The following DST variants were observed in gnomAD, a reference collection of about 807,000 sequenced individuals.
DST encodes dystonin.
Under a neutral mutation model 875.2 loss-of-function variants are expected in DST, and 253 were observed. The observed-to-expected ratio is 0.29, with a 90% CI of 0.26 to 0.32. DST has a LOEUF of 0.32. Among genes scored for constraint, DST ranks in the 10% least tolerant of loss-of-function variants. DST has a pLI of 1.00. For missense variants in DST, 8,287 were observed against 9,111.6 expected, an observed-to-expected ratio of 0.91 and a Z score of 3.68; for synonymous variants, 3,124 against 3,197.1, an observed-to-expected ratio of 0.98 and a Z score of 0.77.
Position 56,720,999 on chromosome 6 carries a change from G to A in DST, c.687+14229C>T, listed in dbSNP as rs62412544. On this transcript the variant is annotated intron_variant, in intron 5 of 103. Coordinates refer to ENST00000680361, the MANE Select transcript of DST (RefSeq NM_001374736.1). Reference sequence around the variant, plus strand: ...AGGCGCCCCCCGCCACCTTCCAGACGGGGCGGCTGCCGGGCGGGGGCAGCC... The same window carrying A: ...AGGCGCCCCCCGCCACCTTCCAGACAGGGCGGCTGCCGGGCGGGGGCAGCC... 5.3e-5 allele frequency among the ~76,000 whole-genome samples: 8 copies of A among 150,888 alleles called. No individual in the cohort carries two copies. In the East Asian group the frequency reaches 1.2e-3, roughly 22 times the overall value.
rs139284556 is a variant in DST at position 56,758,797 on chromosome 6, T to G, written c.626-23508A>C. 2.6e-3 allele frequency among the ~76,000 whole-genome samples: 403 copies of G among 152,286 alleles called. 1 individual carries two copies. In the Middle Eastern group the frequency reaches 0.031, roughly 12 times the overall value. ...AAACTACTTTGTGGTAATTCAAGGT[T>G]CTAAAAGCAACGGACCCAGCAGCAA... On this transcript the variant is annotated intron_variant, in intron 4 of 103. Transcript: ENST00000680361.
At chr6:56,852,434 G>A (rs79801332) in intron 3 of DST, among the ~76,000 whole-genome samples, 2 of 152,354 alleles carry the variant, frequency 1.3e-5, no homozygotes, top group African/African-American at 4.8e-5. Flanking sequence ...ACAGTGAAAT[G>A]AGAAACAGGA....
At chr6:56,620,864 CAG>C in intron 36 of DST, 1 of 752,700 alleles carries the variant, frequency 1.3e-6, no homozygotes, top group South Asian at 1.5e-5. Flanking sequence ...TCACCTTCTT[CAG>C]AGAGGAAGCC....
intron 4 of DST, among the ~76,000 whole-genome samples, chr6:56,783,896 A>C (rs891096510): frequency 2.6e-5 from 4 of 152,088 alleles, no homozygotes; most frequent in Non-Finnish European, 5.9e-5. Flanking sequence ...TGCTTCCTTC[A>C]GGCGCTCTTT....
chr6:56,642,198 G>T (rs372807163), intron 16 of DST, 97 bp from the exon 17 acceptor site: 25 of 1,101,290 alleles, frequency 2.3e-5, no homozygotes, highest in African/African-American at 1.7e-4. Flanking sequence ...GCCTACTTGG[G>T]CTTTCTTTAG....
intron 4 of DST, among the ~76,000 whole-genome samples, chr6:56,836,722 G>A (rs1477409424): frequency 6.6e-6 from 1 of 151,094 alleles, no homozygotes; most frequent in Admixed American, 6.6e-5. Context: ...GTGATGGCGG[G>A]CGCCTGTAGT....
At chr6:56,662,929 A>C (rs2099052558) in intron 10 of DST, among the ~76,000 whole-genome samples, 1 of 152,180 alleles carries the variant, frequency 6.6e-6, no homozygotes, top group Admixed American at 6.5e-5. Context: ...AGCCTGGGTG[A>C]CAGAGCAAGA....
At chr6:56,774,075 C>G (rs2099672920) in intron 4 of DST, among the ~76,000 whole-genome samples, 1 of 143,944 alleles carries the variant, frequency 6.9e-6, no homozygotes, top group Admixed American at 7.0e-5. Context: ...GATGGCACCA[C>G]TGCACTCCAG....
At chr6:56,570,780 A>G (rs1422069936) in intron 53 of DST, among the ~76,000 whole-genome samples, 1 of 152,198 alleles carries the variant, frequency 6.6e-6, no homozygotes, top group African/African-American at 2.4e-5. Flanking sequence ...GGCACTCTCT[A>G]TAATGCTACA....
At chr6:56,666,776 C>T (rs1453042807) in intron 10 of DST, among the ~76,000 whole-genome samples, 1 of 149,264 alleles carries the variant, frequency 6.7e-6, no homozygotes, top group African/African-American at 2.5e-5. Context: ...TGCTCTGTCA[C>T]CTACCCTGGG....
intron 10 of DST, among the ~76,000 whole-genome samples, chr6:56,652,976 T>C (rs147915999): frequency 1.8e-3 from 281 of 152,314 alleles, no homozygotes; most frequent in African/African-American, 6.6e-3. Context: ...AAAACAAATA[T>C]CTGAAGTTCT....
chr6:56,905,962 C>G (rs1037397995), intron 2 of DST, among the ~76,000 whole-genome samples: 20 of 152,112 alleles, frequency 1.3e-4, no homozygotes, highest in African/African-American at 4.8e-4. Flanking sequence ...ATTGCACTTT[C>G]TTTATCCACT....
chr6:56,901,263 C>T (rs1163875073), intron 2 of DST, among the ~76,000 whole-genome samples: 4 of 152,188 alleles, frequency 2.6e-5, no homozygotes, highest in Admixed American at 6.5e-5. Flanking sequence ...GTATAACATT[C>T]CACTCACAGG....
At chr6:56,544,360 C>A (rs2097187876) in intron 61 of DST, among the ~76,000 whole-genome samples, 1 of 152,158 alleles carries the variant, frequency 6.6e-6, no homozygotes, top group Admixed American at 6.5e-5. Flanking sequence ...TAAAGAATGG[C>A]TCTAATTCAG....
Position 56,604,026 on chromosome 6 carries a change from G to C in DST, c.10602C>G (p.Ser3534Arg). ...TAGGAGAATAGTAGTTTCCTTCTTT[G>C]CTTTTAATATCACCAAGAATATGTG... Reference protein sequence around the residue: ...EKPHILGDIKSKEGNYYSPNL... With the variant: ...EKPHILGDIKRKEGNYYSPNL... The change falls in exon 40 of 104, where the codon AGC (serine) becomes AGG (arginine). Residue 3534 changes from serine to arginine, a missense_variant. This residue lies in a region of DST where 3,138 missense variants were observed against 3,116.6 expected (regional missense o/e 1.01). Transcript: ENST00000680361. The C allele has an allele frequency of 6.3e-7, 1 of 1,594,276 alleles. No homozygotes were observed. Among genetic ancestry groups the C allele is most frequent in the Non-Finnish European group, 8.6e-7 (1 of 1,168,772 alleles).
At chr6:56,518,402 G>A (rs996809002) in intron 69 of DST, among the ~76,000 whole-genome samples, 2 of 152,068 alleles carry the variant, frequency 1.3e-5, no homozygotes, top group Middle Eastern at 3.2e-3. Flanking sequence ...TGTCTGGGAT[G>A]ACACTGTATA....
At position 56,806,083 on chromosome 6, in the gene DST, C is replaced by T. The variant is rs376392127; in HGVS notation, c.625+45314G>A. Among the ~76,000 whole-genome samples, 7 of 152,288 alleles carry T rather than the reference C, an allele frequency of 4.6e-5. 1 individual carries two copies. The highest frequency in any genetic ancestry group is 2.6e-4 in the Admixed American group (4 of 15,292). ...CAGTGGACTTTCTGAATTCATAAGA[C>T]TGAGAATAACAGTGTAACAACCAGT... is the stretch of plus-strand genomic sequence containing the variant. On this transcript the variant is annotated intron_variant, in intron 4 of 103. Coordinates refer to ENST00000680361, the MANE Select transcript of DST (RefSeq NM_001374736.1).
intron 5 of DST, among the ~76,000 whole-genome samples, chr6:56,725,906 G>C (rs1055751508): frequency 3.3e-5 from 5 of 152,016 alleles, no homozygotes; most frequent in African/African-American, 1.2e-4. Context: ...TTTAAACCTA[G>C]TGGATTTTCC....
intron 5 of DST, among the ~76,000 whole-genome samples, chr6:56,705,242 GA>G (rs892464254): frequency 2.0e-5 from 3 of 152,220 alleles, no homozygotes; most frequent in African/African-American, 7.2e-5. Context: ...GCCTTTCAGT[GA>G]TTCTGGGCTA....
Sources: gnomAD v4.1 joint callset for allele counts (sites outside exome capture counted in the v4.1 genomes callset) on GRCh38, gnomAD v4.1.1 for gene constraint, gnomAD v4.1.1 regional missense constraint, MANE v1.5 for transcripts, NCBI Gene and HGNC (gene_info 2026-07-23, HGNC 2026-07-21) for gene names.